The following TP63 variants were observed in gnomAD, a reference collection of about 807,000 sequenced individuals.
TP63 encodes the protein tumor protein 63.
A neutral mutation model predicts 82.8 loss-of-function variants in TP63; 17 were observed. The observed-to-expected ratio is 0.21, with a 90% CI of 0.14 to 0.31. The LOEUF is 0.31. Among genes scored for constraint, TP63 ranks in the 10% least tolerant of loss-of-function variants. The probability of loss-of-function intolerance (pLI) is 1.00; values close to 1 mark genes in which losing one functional copy is unlikely to be tolerated. For missense variants in TP63, 648 were observed against 895.3 expected, an observed-to-expected ratio of 0.72 and a Z score of 3.52; for synonymous variants, 330 against 321.7, an observed-to-expected ratio of 1.03 and a Z score of -0.28.
intron 8 of TP63, among the ~76,000 whole-genome samples, 171 bp from the exon 9 acceptor site, chr3:189,869,153 T>C (rs1268470032): frequency 1.3e-5 from 2 of 152,214 alleles, no homozygotes; most frequent in Non-Finnish European, 2.9e-5. Flanking sequence ...CCCAGTTAAA[T>C]GGACGCTTAG....
At chr3:189,815,876 C>G (rs17447076) in intron 4 of TP63, among the ~76,000 whole-genome samples, 54,740 of 152,066 alleles carry the variant, frequency 0.36, 11,495 homozygotes, top group Non-Finnish European at 0.49. Flanking sequence ...CTGCATTTAA[C>G]TAAGCAATAC....
In TP63 at chr3:189,826,980, T is replaced by C. The variant is rs919736285; in HGVS notation, c.579+18454T>C. On this transcript the variant is annotated intron_variant, in intron 4 of 13. Transcript: ENST00000264731. ...GTTGACTAGGCAAGTGACCTGATGCTTCTGAGACTCAATTTTCTCTTCTGT... is the reference window on the plus strand; with the variant it reads ...GTTGACTAGGCAAGTGACCTGATGCCTCTGAGACTCAATTTTCTCTTCTGT... 3.9e-5 allele frequency among the ~76,000 whole-genome samples: 6 copies of C among 152,358 alleles called. 1 individual carries two copies. In the East Asian group the frequency reaches 5.8e-4, roughly 15 times the overall value.
the TP63 span, among the ~76,000 whole-genome samples, chr3:189,602,769 C>T: frequency 6.6e-6 from 1 of 152,084 alleles, no homozygotes; most frequent in Non-Finnish European, 1.5e-5. Context: ...CTGGATTGTG[C>T]TGTATTAAAT....
intron 1 of TP63, among the ~76,000 whole-genome samples, chr3:189,674,422 T>A (rs1715205471): frequency 6.6e-6 from 1 of 152,032 alleles, no homozygotes; most frequent in Admixed American, 6.6e-5. Flanking sequence ...ATTCAGGCGA[T>A]GATCCAGGAA....
chr3:189,630,397 T>C (rs1560070794), upstream of TP63, among the ~76,000 whole-genome samples: 1 of 152,132 alleles, frequency 6.6e-6, no homozygotes. Flanking sequence ...CAGCCCATAT[T>C]CAGAAAGGAA....
chr3:189,873,808 G>C (rs1718722416), intron 10 of TP63, among the ~76,000 whole-genome samples: 1 of 152,088 alleles, frequency 6.6e-6, no homozygotes. Context: ...ATAATCACTT[G>C]TTAGTTTAAT....
intron 1 of TP63, among the ~76,000 whole-genome samples, chr3:189,636,241 A>C (rs1729772410): frequency 6.6e-6 from 1 of 152,176 alleles, no homozygotes; most frequent in African/African-American, 2.4e-5. Flanking sequence ...AGTGCATTTA[A>C]ATAGCAGAGA....
intron 1 of TP63, among the ~76,000 whole-genome samples, chr3:189,652,862 TC>T (rs1394401552): frequency 2.0e-5 from 3 of 146,724 alleles, no homozygotes; most frequent in Non-Finnish European, 4.5e-5. Context: ...TTCTTCTCCT[TC>T]CTGTCACCAT....
intron 4 of TP63, among the ~76,000 whole-genome samples, chr3:189,834,072 A>G (rs998121967): frequency 4.6e-5 from 7 of 152,182 alleles, no homozygotes; most frequent in Non-Finnish European, 8.8e-5. Context: ...AGGTTGAGAG[A>G]CATGACGATA....
intron 4 of TP63, among the ~76,000 whole-genome samples, chr3:189,847,468 T>A (rs1244446773): frequency 6.6e-6 from 1 of 152,206 alleles, no homozygotes; most frequent in Admixed American, 6.5e-5. Flanking sequence ...TTTGGGGGGA[T>A]CATGTAAGTT....
At chr3:189,737,951 G>A in intron 2 of TP63, 83 bp downstream of exon 2, 1 of 1,537,490 alleles carries the variant, frequency 6.5e-7, no homozygotes, top group Admixed American at 1.7e-5. Flanking sequence ...ACTAGGGCAT[G>A]TTTTTTCTAG....
chr3:189,734,228 G>T (rs1160350629), intron 1 of TP63, among the ~76,000 whole-genome samples: 3 of 130,676 alleles, frequency 2.3e-5, no homozygotes, highest in Non-Finnish European at 4.7e-5. Flanking sequence ...CTGGCATGCA[G>T]TGGCTCAATC....
intron 1 of TP63, among the ~76,000 whole-genome samples, chr3:189,690,549 A>G (rs1043112319): frequency 6.6e-6 from 1 of 152,214 alleles, no homozygotes. Context: ...ATTGCCCCAC[A>G]GCTACATTTT....
At chr3:189,869,180 C>T (rs1157551392) in intron 8 of TP63, 144 bp from the exon 9 acceptor site, 2 of 699,572 alleles carry the variant, frequency 2.9e-6, no homozygotes, top group Non-Finnish European at 4.9e-6. Context: ...AGCCTCTAAT[C>T]TTACATGTGT....
chr3:189,639,576 C>G (rs1028468352), intron 1 of TP63, among the ~76,000 whole-genome samples: 2 of 151,934 alleles, frequency 1.3e-5, no homozygotes, highest in Admixed American at 1.3e-4. Context: ...TTTTTTCTTT[C>G]GTTTCAAATG....
At chr3:189,772,662 CA>C (rs1020881468) in intron 3 of TP63, among the ~76,000 whole-genome samples, 2 of 152,166 alleles carry the variant, frequency 1.3e-5, no homozygotes, top group African/African-American at 4.8e-5. Context: ...ATTTCTGTCT[CA>C]TTTTCAAGAA....
intron 4 of TP63, among the ~76,000 whole-genome samples, chr3:189,808,978 A>C (rs1031103930): frequency 3.9e-5 from 6 of 152,156 alleles, no homozygotes; most frequent in Non-Finnish European, 5.9e-5. Context: ...AAAAATTAAG[A>C]AAATAAAATC....
the TP63 span, among the ~76,000 whole-genome samples, chr3:189,606,817 G>A: frequency 6.6e-5 from 10 of 151,812 alleles, no homozygotes; most frequent in African/African-American, 9.7e-5. Flanking sequence ...GGCCAACCCC[G>A]CAATGATCTC....
At chr3:189,655,837 C>A (rs1713305803) in intron 1 of TP63, among the ~76,000 whole-genome samples, 1 of 152,094 alleles carries the variant, frequency 6.6e-6, no homozygotes, top group African/African-American at 2.4e-5. Context: ...CTGTCATTAA[C>A]CCATCAGGTT....
Sources: gnomAD v4.1 joint callset for allele counts (sites outside exome capture counted in the v4.1 genomes callset) on GRCh38, gnomAD v4.1.1 for gene constraint, MANE v1.5 for transcripts, NCBI Gene and HGNC (gene_info 2026-07-23, HGNC 2026-07-21) for gene names.